Variants in WWOX observed in about 807,000 individuals in gnomAD.
WWOX encodes WW domain containing oxidoreductase.
Under a neutral mutation model 46.2 loss-of-function variants are expected in WWOX, and 69 were observed. That is an observed-to-expected ratio of 1.49 (90% CI 1.23 to 1.82). The LOEUF is 1.82. Among genes scored for constraint, WWOX ranks in the 40% most tolerant of loss-of-function variants. WWOX has a pLI of 0.00. For synonymous variants in WWOX, 359 were observed against 202.6 expected, an observed-to-expected ratio of 1.77 and a Z score of -6.56; for missense variants, 919 against 542.6, an observed-to-expected ratio of 1.69 and a Z score of -6.89.
intron 8 of WWOX, among the ~76,000 whole-genome samples, chr16:78,444,781 C>A (rs939305883): frequency 6.6e-6 from 1 of 152,120 alleles, no homozygotes; most frequent in Non-Finnish European, 1.5e-5. Context: ...CCACCCGCCT[C>A]GGCCTCCCAA....
intron 5 of WWOX, among the ~76,000 whole-genome samples, chr16:78,323,685 TCTC>T (rs2080542238): frequency 6.6e-6 from 1 of 152,154 alleles, no homozygotes; most frequent in South Asian, 2.1e-4. Flanking sequence ...GGATTCCCCA[TCTC>T]CTCTTCCTCT....
chr16:78,100,285 C>G, intron 1 of WWOX: 1 of 1,062,118 alleles, frequency 9.4e-7, no homozygotes, highest in Non-Finnish European at 1.2e-6. Context: ...ACCGGTATTG[C>G]TCAGTCATCC....
intron 8 of WWOX, among the ~76,000 whole-genome samples, chr16:78,960,986 T>G (rs1239685518): frequency 6.6e-6 from 1 of 152,204 alleles, no homozygotes; most frequent in East Asian, 1.9e-4. Context: ...GTATTCTCCA[T>G]GGAGTATCTT....
At chr16:79,017,752 G>T (rs546136825) in intron 8 of WWOX, among the ~76,000 whole-genome samples, 2 of 150,836 alleles carry the variant, frequency 1.3e-5, no homozygotes, top group South Asian at 4.2e-4. Context: ...GGGTTATTTT[G>T]TCATGGCACG....
At chr16:78,692,012 A>G (rs527833993) in intron 8 of WWOX, among the ~76,000 whole-genome samples, 6 of 152,290 alleles carry the variant, frequency 3.9e-5, no homozygotes, top group African/African-American at 9.6e-5. Flanking sequence ...TTCTCTTGCC[A>G]CTGCCATGTA....
rs1199007424 is a variant in WWOX at position 78,966,123 on chromosome 16, CT to C, written c.1057-245484del. Among the ~76,000 whole-genome samples, 3 of 152,276 alleles carry C rather than the reference CT, an allele frequency of 2.0e-5. No homozygotes were observed. In the East Asian group the frequency reaches 5.8e-4, roughly 29 times the overall value. On this transcript the variant is annotated intron_variant, in intron 8 of 8. Transcript: ENST00000566780. ...GCTTCTTACCTATCAGCTAAAGAAC[CT>C]AGCTTTACTTATCCAACTTAGATAT...
chr16:78,411,847 G>T (rs745552096), intron 6 of WWOX, among the ~76,000 whole-genome samples: 1 of 152,206 alleles, frequency 6.6e-6, no homozygotes. Context: ...CTGGGATGGG[G>T]ATTCTTGTTC....
chr16:78,107,294 G>C (rs1253150406), intron 1 of WWOX, among the ~76,000 whole-genome samples: 1 of 152,152 alleles, frequency 6.6e-6, no homozygotes, highest in East Asian at 1.9e-4. Flanking sequence ...CGTGTTTCTA[G>C]TTATTGACCT....
At chr16:78,773,983 C>G (rs933331798) in intron 8 of WWOX, among the ~76,000 whole-genome samples, 1 of 152,206 alleles carries the variant, frequency 6.6e-6, no homozygotes. Context: ...TGAAATGAGA[C>G]TCTTTCACAC....
rs568002332 is a variant in WWOX at position 78,518,013 on chromosome 16, C to A, written c.1056+85261C>A. Among the ~76,000 whole-genome samples, 6 of 151,858 alleles carry A rather than the reference C, an allele frequency of 4.0e-5. No homozygotes were observed. The South Asian group carries it at 1.0e-3, about 27-fold the overall frequency. ...GAAGTAACAGTCCTTGGTTTGTATT[C>A]CAGCCCCCACCTTCCTATGTCTTTG... On this transcript the variant is annotated intron_variant, in intron 8 of 8. Transcript: ENST00000566780.
chr16:78,534,952 T>A (rs2043722640), intron 8 of WWOX, among the ~76,000 whole-genome samples: 1 of 152,108 alleles, frequency 6.6e-6, no homozygotes, highest in South Asian at 2.1e-4. Context: ...TACCTCATGA[T>A]CTGTTCGTCT....
At position 78,800,456 on chromosome 16, in the gene WWOX, C is replaced by T. The variant is rs546543667; in HGVS notation, c.1056+367704C>T. 3.9e-5 allele frequency among the ~76,000 whole-genome samples: 6 copies of T among 152,184 alleles called. No homozygotes were observed. In the South Asian group the frequency reaches 6.2e-4, roughly 16 times the overall value. On this transcript the variant is annotated intron_variant, in intron 8 of 8. Coordinates refer to ENST00000566780, the MANE Select transcript of WWOX (RefSeq NM_016373.4). ...GTAGTCACTGGCTATGAAAATGGCC[C>T]CAAATAAAGTGGTATCCACACTTCT...
intron 8 of WWOX, among the ~76,000 whole-genome samples, chr16:78,793,059 A>G (rs370284481): frequency 3.9e-5 from 6 of 152,028 alleles, no homozygotes; most frequent in South Asian, 2.1e-4. Flanking sequence ...CATCTTATCT[A>G]TATATCTGTA....
At chr16:78,918,965 C>T (rs918215351) in intron 8 of WWOX, among the ~76,000 whole-genome samples, 2 of 152,084 alleles carry the variant, frequency 1.3e-5, no homozygotes, top group Admixed American at 1.3e-4. Context: ...TCTGATTGGA[C>T]CCAGGGCAGA....
chr16:78,351,119 T>A (rs2081175199), intron 5 of WWOX, among the ~76,000 whole-genome samples: 1 of 152,220 alleles, frequency 6.6e-6, no homozygotes, highest in African/African-American at 2.4e-5. Context: ...GTCACACCTG[T>A]AATCATGCCC....
At position 78,147,683 on chromosome 16, in the gene WWOX, T is replaced by TGTTTTTG. The variant is rs71384364; in HGVS notation, c.410-16500_410-16499insGTTTTTG. 7.3e-5 allele frequency among the ~76,000 whole-genome samples: 8 copies of TGTTTTTG among 109,754 alleles called. No individual in the cohort carries two copies. The East Asian group carries it at 9.1e-4, about 13-fold the overall frequency. The allele number at this position is 109,754 out of a possible 152,430, so 72.0% of individuals were successfully genotyped here. A position where few individuals can be genotyped will look rare whatever the true frequency, so the allele number is the denominator to read the frequency against. ...TTTCTTTTTCTTTCTTCCTTTTTTT[T>TGTTTTTG]TTTTTTTTTTTTTAAAAAAAAAAAA... is the stretch of plus-strand genomic sequence containing the variant. On this transcript the variant is annotated intron_variant, in intron 4 of 8. Transcript: ENST00000566780.
At chr16:78,187,625 A>G (rs1267305681) in intron 5 of WWOX, among the ~76,000 whole-genome samples, 2 of 152,160 alleles carry the variant, frequency 1.3e-5, no homozygotes, top group Admixed American at 6.5e-5. Context: ...TCTGTCCCCA[A>G]AAAAAGACGC....
intron 8 of WWOX, among the ~76,000 whole-genome samples, chr16:79,157,880 C>A (rs2050412558): frequency 6.6e-6 from 1 of 152,132 alleles, no homozygotes; most frequent in Admixed American, 6.5e-5. Context: ...GTTCAGCAGG[C>A]TCTGGGGAAG....
At chr16:78,769,255 A>G (rs898695625) in intron 8 of WWOX, among the ~76,000 whole-genome samples, 3 of 152,172 alleles carry the variant, frequency 2.0e-5, no homozygotes, top group Admixed American at 2.0e-4. Context: ...GTGTAATGCC[A>G]CCTGGGAGTT....
Sources: gnomAD v4.1 joint callset for allele counts (sites outside exome capture counted in the v4.1 genomes callset) on GRCh38, gnomAD v4.1.1 for gene constraint, MANE v1.5 for transcripts, NCBI Gene and HGNC (gene_info 2026-07-23, HGNC 2026-07-21) for gene names.